Variants in MIB2 observed in about 807,000 individuals in gnomAD.
MIB2 encodes the protein MIB E3 ubiquitin protein ligase 2.
Under a neutral mutation model 96.6 loss-of-function variants are expected in MIB2, and 78 were observed. The ratio of observed to expected loss-of-function variants is 0.81; its 90% confidence interval spans 0.67 to 0.97. The LOEUF is 0.97. Among genes scored for constraint, MIB2 ranks in the 50% least tolerant of loss-of-function variants. The probability of loss-of-function intolerance (pLI) is 0.00; values close to 1 mark genes in which losing one functional copy is unlikely to be tolerated. For missense variants in MIB2, 1,543 were observed against 1,424.0 expected, an observed-to-expected ratio of 1.08 and a Z score of -1.35; for synonymous variants, 820 against 629.5, an observed-to-expected ratio of 1.30 and a Z score of -4.53.
rs776810755 is a variant in MIB2, at chr1:1,625,026, C to A, written c.562C>A (p.Arg188Ser). 2.5e-6 allele frequency: 4 copies of A among 1,612,940 alleles called. No individual in the cohort carries two copies. The highest frequency in any genetic ancestry group is 2.5e-6 in the Non-Finnish European group (3 of 1,179,874). The change falls in exon 6 of 20, where the codon CGT (arginine) becomes AGT (serine). Residue 188 changes from arginine to serine, a missense_variant. By Grantham distance (110) the Arg-to-Ser change is moderately radical. Coordinates refer to ENST00000355826, the MANE Select transcript of MIB2 (RefSeq NM_001170687.4). The surrounding 1 kb of genome is among the most constrained non-coding windows in gnomAD (Gnocchi z 5.0). ...EGKPGRVVDIRGWDVETGRSV... is the reference protein window; with the variant it reads ...EGKPGRVVDISGWDVETGRSV... ...GAAACCGGGCCGTGTGGTGGACATCCGTGGCTGGGATGTGGAGACAGGCCG... is the reference window on the plus strand; with the variant it reads ...GAAACCGGGCCGTGTGGTGGACATCAGTGGCTGGGATGTGGAGACAGGCCG...
Position 1,628,363 on chromosome 1 carries a change from C to T in MIB2, c.1932C>T (p.Asn644=), listed in dbSNP as rs1321088180. The T allele has an allele frequency of 6.2e-7, 1 of 1,612,732 alleles. No individual in the cohort carries two copies. Among genetic ancestry groups the T allele is most frequent in the Non-Finnish European group, 8.5e-7 (1 of 1,179,906 alleles). ...GFTALHLAAL[N]NHREVAQILI... is the part of the protein sequence containing the mutation. The stretch of plus-strand genomic sequence containing the variant: ...CGGCGCTGCATCTGGCTGCCCTCAA[C>T]AACCACCGCGAGGTGGCCCAGATCC... Residue 644 remains asparagine (N), a synonymous_variant, in exon 15 of 20, where the codon AAC becomes AAT. Transcript: ENST00000355826.
chr1:1,614,700 CG>C (rs1249280808), upstream of MIB2: 2 of 152,238 alleles, frequency 1.3e-5, no homozygotes, highest in Non-Finnish European at 2.9e-5. Flanking sequence ...GGACCTTCTC[CG>C]GAAGTACGCA....
In MIB2 at chr1:1,616,537, G is replaced by C. The variant is rs539056417; in HGVS notation, c.-100G>C. On this transcript the variant is annotated 5_prime_UTR_variant, in exon 2 of 20. Coordinates refer to ENST00000355826, the MANE Select transcript of MIB2 (RefSeq NM_001170687.4). ...GGAAGCCCAGCGAGGCTAGAGGCCAGTCCCAAAGTTTCCAGGCATCAGGGC... is the reference window on the plus strand; with the variant it reads ...GGAAGCCCAGCGAGGCTAGAGGCCACTCCCAAAGTTTCCAGGCATCAGGGC... 1 of 1,602,984 alleles carries C rather than the reference G, an allele frequency of 6.2e-7. No individual in the cohort carries two copies. Among genetic ancestry groups the C allele is most frequent in the South Asian group, 1.1e-5 (1 of 89,596 alleles).
chr1:1,616,170 A>C, intron 1 of MIB2: 1 of 902,758 alleles, frequency 1.1e-6, no homozygotes, highest in Non-Finnish European at 1.3e-6. Context: ...ACGGGCACGA[A>C]TGACAGGGGG....
rs1333576208 is a variant in MIB2, at chr1:1,629,249, G to C, written c.2319G>C (p.Pro773=). The change falls in exon 17 of 20, where the codon CCG becomes CCC. Residue 773 remains proline, a synonymous_variant. Coordinates refer to ENST00000355826, the MANE Select transcript of MIB2 (RefSeq NM_001170687.4). ...ACACCAACCACCGCGGTCGGAGCCC[G>C]CTGGACCTGGCCGCCGAGGGTCGCG... ...VSYTNHRGRS[P]LDLAAEGRVL... is the part of the protein sequence containing the mutation. 6.5e-7 allele frequency: 1 copy of C among 1,544,658 alleles called. No individual in the cohort carries two copies. The highest frequency in any genetic ancestry group is 8.6e-7 in the Non-Finnish European group (1 of 1,156,596).
rs527471570 is a variant in MIB2, at chr1:1,615,795, C to G, written c.-130+162C>G. 43 of 1,318,400 alleles carry G rather than the reference C, an allele frequency of 3.3e-5. No individual in the cohort carries two copies. In the African/African-American group the frequency reaches 6.2e-4, roughly 19 times the overall value. The allele number at this position is 1,318,400 out of a possible 1,614,324, so 81.7% of individuals were successfully genotyped here. On this transcript the variant is annotated intron_variant, in intron 1 of 19. Transcript: ENST00000355826. Reference sequence around the variant, plus strand: ...CCGCACGGGATGGGCTGGGGCTGCGCGCGCAGCGCCGCCGCGGGGCCTCCT... The same window carrying G: ...CCGCACGGGATGGGCTGGGGCTGCGGGCGCAGCGCCGCCGCGGGGCCTCCT...
Position 1,625,670 on chromosome 1 carries a change from G to A in MIB2, c.972+17G>A. The A allele has an allele frequency of 6.5e-7, 1 of 1,545,214 alleles. No individual in the cohort carries two copies. Among genetic ancestry groups the A allele is most frequent in the Non-Finnish European group, 8.8e-7 (1 of 1,142,402 alleles). On this transcript the variant is annotated intron_variant, in intron 8 of 19. Coordinates refer to ENST00000355826, the MANE Select transcript of MIB2 (RefSeq NM_001170687.4). The surrounding 1 kb of genome is among the most constrained non-coding windows in gnomAD (Gnocchi z 5.0). ...CTCACCAAGGTGCCGGGGGGGCTGG[G>A]CTGCGCCTCATCTGCTTGCTTCTGT...
chr1:1,614,225 C>G (rs28430872), upstream of MIB2: 8 of 152,320 alleles, frequency 5.3e-5, no homozygotes, highest in African/African-American at 1.9e-4. Flanking sequence ...CAAATGGAGT[C>G]GGGAGGCCAC....
chr1:1,622,239 T>C (rs543404770), intron 2 of MIB2, among the ~76,000 whole-genome samples: 10 of 152,362 alleles, frequency 6.6e-5, no homozygotes, highest in Non-Finnish European at 8.8e-5. Context: ...CCTAGTGGTT[T>C]AATGAAAATT....
Position 1,628,404 on chromosome 1 carries a change from G to A in MIB2, c.1968+5G>A, listed in dbSNP as rs748452099. 3.0e-5 allele frequency: 49 copies of A among 1,610,908 alleles called. No homozygotes were observed. Among genetic ancestry groups the A allele is most frequent in the South Asian group, 7.7e-5 (7 of 90,954 alleles). On this transcript the variant is annotated splice_donor_5th_base_variant and intron_variant, in intron 15 of 19. Transcript: ENST00000355826. ...GCCCAGATCCTCATCCGGGAGGTGC[G>A]GACGCGGCCCAGTCCTGCCCAAGGA...
chr1:1,624,591 C>T (rs12748433), intron 4 of MIB2, among the ~76,000 whole-genome samples: 135,329 of 152,220 alleles, frequency 0.89, 60,808 homozygotes, highest in Non-Finnish European at 0.96. Context: ...GCTCCAGGCC[C>T]CTGAGCCCAG....
chr1:1,622,144 T>A (rs1644317414), intron 2 of MIB2, among the ~76,000 whole-genome samples: 2 of 152,088 alleles, frequency 1.3e-5, no homozygotes, highest in South Asian at 2.1e-4. Context: ...GTCTCAGGGG[T>A]CCCTCCAGCC....
chr1:1,623,846 G>C lies in MIB2; in HGVS notation c.320G>C (p.Arg107Pro). The C allele has an allele frequency of 2.5e-6, 4 of 1,611,268 alleles. No homozygotes were observed. Among genetic ancestry groups the C allele is most frequent in the Non-Finnish European group, 3.4e-6 (4 of 1,179,276 alleles). Residue 107 changes from arginine (R) to proline (P), a missense_variant, in exon 4 of 20, where the codon CGT becomes CCT. Transcript: ENST00000355826. ...HGLRGMRWKC[R>P]VCLDYDLCTQ... The stretch of plus-strand genomic sequence containing the variant: ...CTGCGGGGGATGCGCTGGAAGTGCC[G>C]TGTGTGCCTGGACTACGACCTCTGC...
Position 1,628,741 on chromosome 1 carries a change from G to A in MIB2, c.2202+19G>A. On this transcript the variant is annotated intron_variant, in intron 16 of 19. Transcript: ENST00000355826. ...GTCCAGGGTGAGGAAGTGTGGCGTG[G>A]GGTGCTGGAGAGGCTGCGGTGGCGC... 1.3e-6 allele frequency: 2 copies of A among 1,494,230 alleles called. No individual in the cohort carries two copies. The highest frequency in any genetic ancestry group is 1.8e-6 in the Non-Finnish European group (2 of 1,116,660). The allele number at this position is 1,494,230 out of a possible 1,614,324, so 92.6% of individuals were successfully genotyped here.
Position 1,625,678 on chromosome 1 carries a change from T to C in MIB2, c.972+25T>C, listed in dbSNP as rs778033652. The C allele has an allele frequency of 9.0e-5, 138 of 1,534,350 alleles. No homozygotes were observed. Among genetic ancestry groups the C allele is most frequent in the Non-Finnish European group, 1.1e-4 (130 of 1,133,502 alleles). On this transcript the variant is annotated intron_variant, in intron 8 of 19. Transcript: ENST00000355826. This position sits in a 1 kb window ranked among gnomAD's most constrained non-coding sequence, Gnocchi z 5.0. ...GGTGCCGGGGGGGCTGGGCTGCGCC[T>C]CATCTGCTTGCTTCTGTAACCCCTT...
chr1:1,624,051 C>A, intron 4 of MIB2, 106 bp downstream of exon 4: 1 of 1,314,528 alleles, frequency 7.6e-7, no homozygotes, highest in Non-Finnish European at 1.0e-6. Flanking sequence ...CCCAGGAAGA[C>A]GGAGCAAGTC....
At chr1:1,624,616 A>G (rs887968624) in intron 4 of MIB2, 179 bp from the exon 5 acceptor site, 8 of 674,522 alleles carry the variant, frequency 1.2e-5, no homozygotes, top group Non-Finnish European at 2.1e-5. Context: ...ATTTCCTCAC[A>G]GCGTGTGGAG....
intron 1 of MIB2, chr1:1,616,118 C>T (rs1260162243): frequency 4.1e-6 from 4 of 982,814 alleles, no homozygotes; most frequent in Non-Finnish European, 3.6e-6. Flanking sequence ...GCGGCCCTGG[C>T]AAGGTCTGGC....
At chr1:1,615,484 C>G (rs2100263568), upstream of MIB2, 2 of 1,523,146 alleles carry the variant, frequency 1.3e-6, no homozygotes, top group Non-Finnish European at 1.8e-6. Flanking sequence ...CCGGCGGGGG[C>G]GGGCCCTGGG....
Sources: gnomAD v4.1 joint callset for allele counts (sites outside exome capture counted in the v4.1 genomes callset) on GRCh38, gnomAD v4.1.1 for gene constraint, Gnocchi (gnomAD v3.1) non-coding constraint, MANE v1.5 for transcripts, NCBI Gene and HGNC (gene_info 2026-07-23, HGNC 2026-07-21) for gene names.